DCLK1: variants seen among roughly 807,000 people sequenced by gnomAD.
DCLK1 encodes doublecortin like kinase 1.
Under a neutral mutation model 86.2 loss-of-function variants are expected in DCLK1, and 16 were observed. The observed-to-expected ratio is 0.19, with a 90% CI of 0.13 to 0.28. The LOEUF (loss-of-function observed/expected upper bound fraction) is 0.28, where lower values mean the gene tolerates loss of function less well. Ranked by LOEUF, DCLK1 falls within the 10% of genes least tolerant of loss-of-function variation. The pLI, the probability that DCLK1 is intolerant of heterozygous loss-of-function variation, is 1.00. For synonymous variants in DCLK1, 369 were observed against 370.5 expected (o/e 1.00, Z 0.05); for missense variants, 590 against 940.2 (o/e 0.63, Z 4.87).
At chr13:35,911,963 A>C (rs1875063503) in intron 4 of DCLK1, among the ~76,000 whole-genome samples, 1 of 152,198 alleles carries the variant, frequency 6.6e-6, no homozygotes, top group South Asian at 2.1e-4. Flanking sequence ...GACCCTGGAG[A>C]GGTAGCTCAT....
At chr13:36,112,542 G>A (rs1885652168) in intron 2 of DCLK1, among the ~76,000 whole-genome samples, 1 of 152,084 alleles carries the variant, frequency 6.6e-6, no homozygotes, top group African/African-American at 2.4e-5. Flanking sequence ...ATATTCTTTG[G>A]GAATTAGAGA....
At chr13:36,120,901 C>T (rs1593909598) in intron 2 of DCLK1, among the ~76,000 whole-genome samples, 1 of 152,174 alleles carries the variant, frequency 6.6e-6, no homozygotes, top group East Asian at 1.9e-4. Flanking sequence ...CACTTTCATA[C>T]ATAAGTGGTT....
intron 4 of DCLK1, among the ~76,000 whole-genome samples, chr13:35,893,882 G>A (rs1873791455): frequency 1.3e-5 from 2 of 152,150 alleles, no homozygotes; most frequent in East Asian, 3.9e-4. Context: ...TAAATTCAGA[G>A]TCAGTAATGA....
chr13:35,911,410 C>T (rs7338169), intron 4 of DCLK1, among the ~76,000 whole-genome samples: 52,690 of 151,902 alleles, frequency 0.35, 10,107 homozygotes, highest in African/African-American at 0.49. Context: ...TATTTGTCTG[C>T]CCACCACCAC....
intron 3 of DCLK1, among the ~76,000 whole-genome samples, chr13:35,990,293 C>G (rs942300864): frequency 1.3e-5 from 2 of 152,180 alleles, no homozygotes; most frequent in African/African-American, 4.8e-5. Flanking sequence ...TACTACACTA[C>G]GGCTTCTATT....
chr13:36,033,022 T>C (rs1240161072), intron 3 of DCLK1, among the ~76,000 whole-genome samples: 1 of 152,162 alleles, frequency 6.6e-6, no homozygotes, highest in African/African-American at 2.4e-5. Flanking sequence ...GTATTTCCCA[T>C]AAACAACAGG....
At chr13:35,972,066 A>G (rs778248759) in intron 3 of DCLK1, among the ~76,000 whole-genome samples, 1 of 152,082 alleles carries the variant, frequency 6.6e-6, no homozygotes, top group African/African-American at 2.4e-5. Flanking sequence ...TTGATTGGTG[A>G]CCACAGACTT....
At chr13:36,104,189 G>C (rs1347120452) in intron 3 of DCLK1, among the ~76,000 whole-genome samples, 1 of 152,112 alleles carries the variant, frequency 6.6e-6, no homozygotes, top group African/African-American at 2.4e-5. Context: ...GGGTGACCAA[G>C]GCAGCTCCTA....
intron 6 of DCLK1, chr13:35,846,568 T>C (rs1870189904): frequency 1.0e-6 from 1 of 985,252 alleles, no homozygotes; most frequent in Non-Finnish European, 1.2e-6. Context: ...TGATTTCCTC[T>C]TTTTTCCACA....
chr13:35,838,960 C>T, intron 7 of DCLK1, 132 bp downstream of exon 7: 1 of 753,890 alleles, frequency 1.3e-6, no homozygotes, highest in Non-Finnish European at 2.2e-6. Context: ...TCAACCCTAT[C>T]CCCTTGTGAT....
At chr13:35,896,538 C>CA (rs10675684) in intron 4 of DCLK1, among the ~76,000 whole-genome samples, 20,241 of 42,608 alleles carry the variant, frequency 0.48, 5,331 homozygotes, top group East Asian at 0.67. Context: ...AATTCCACCT[C>CA]AAAAAAAAAA....
intron 3 of DCLK1, among the ~76,000 whole-genome samples, chr13:36,075,052 C>A (rs180952464): frequency 1.3e-5 from 2 of 152,336 alleles, no homozygotes; most frequent in African/African-American, 4.8e-5. Flanking sequence ...AAAACCCAAT[C>A]TTTAAAGTAG....
At chr13:35,970,628 T>A (rs1483552623) in intron 3 of DCLK1, among the ~76,000 whole-genome samples, 1 of 152,192 alleles carries the variant, frequency 6.6e-6, no homozygotes, top group East Asian at 1.9e-4. Flanking sequence ...TTCTGGAGGA[T>A]GCAGCCTTTA....
At chr13:35,855,577 TC>T in intron 5 of DCLK1, 1 of 1,587,354 alleles carries the variant, frequency 6.3e-7, no homozygotes, top group Non-Finnish European at 8.6e-7. Context: ...GAATCCCGTC[TC>T]AGCACTAAGC....
chr13:36,047,146 T>C (rs1366084723), intron 3 of DCLK1, among the ~76,000 whole-genome samples: 1 of 152,154 alleles, frequency 6.6e-6, no homozygotes, highest in African/African-American at 2.4e-5. Context: ...TCACACCTGA[T>C]AGAATGGCTA....
intron 16 of DCLK1, among the ~76,000 whole-genome samples, chr13:35,789,447 C>T (rs1373366323): frequency 2.6e-5 from 4 of 152,152 alleles, no homozygotes; most frequent in African/African-American, 9.7e-5. Context: ...TATACTGGCT[C>T]TCAGGAAGAT....
chr13:35,913,825 T>TA (rs943551467), intron 4 of DCLK1, among the ~76,000 whole-genome samples: 4 of 152,026 alleles, frequency 2.6e-5, no homozygotes, highest in Middle Eastern at 6.8e-3. Context: ...GCATAATATA[T>TA]AAAAAAAATT....
intron 3 of DCLK1, among the ~76,000 whole-genome samples, chr13:36,039,704 A>T (rs955219022): frequency 6.6e-6 from 1 of 152,192 alleles, no homozygotes; most frequent in Non-Finnish European, 1.5e-5. Context: ...GTAAAAAAAA[A>T]AATCTTTGAT....
intron 6 of DCLK1, among the ~76,000 whole-genome samples, chr13:35,840,255 A>G (rs1302375497): frequency 1.3e-5 from 2 of 152,202 alleles, no homozygotes; most frequent in African/African-American, 4.8e-5. Context: ...GTATGTACAA[A>G]GTAGGAGGAA....
Sources: gnomAD v4.1 joint callset for allele counts (sites outside exome capture counted in the v4.1 genomes callset) on GRCh38, gnomAD v4.1.1 for gene constraint, MANE v1.5 for transcripts, NCBI Gene and HGNC (gene_info 2026-07-23, HGNC 2026-07-21) for gene names.